The following DHRS3 variants were observed in gnomAD, a reference collection of about 807,000 sequenced individuals.
DHRS3 encodes short-chain dehydrogenase/reductase 3.
Under a neutral mutation model 27.2 loss-of-function variants are expected in DHRS3, and 14 were observed. The ratio of observed to expected loss-of-function variants is 0.52; its 90% CI spans 0.34 to 0.81. The LOEUF (loss-of-function observed/expected upper bound fraction) is 0.81, where lower values mean the gene tolerates loss of function less well. Among genes scored for constraint, DHRS3 ranks in the 30% least tolerant of loss-of-function variants. DHRS3 has a pLI of 0.01. For missense variants in DHRS3, 322 were observed against 406.2 expected (o/e 0.79, Z 1.78); for synonymous variants, 165 against 175.9 (o/e 0.94, Z 0.49).
At position 12,606,656 on chromosome 1, in the gene DHRS3, A is replaced by AT. The variant is rs1014991203; in HGVS notation, c.195+10497dup. On this transcript the variant is annotated intron_variant, in intron 1 of 5. Coordinates refer to ENST00000616661, the MANE Select transcript of DHRS3 (RefSeq NM_004753.7). ...AGGCATGTGCCACCATGCCAAGCTAATTTTTTTTTTTTGTATTTTTAGTAG... is the reference window on the plus strand; with the variant it reads ...AGGCATGTGCCACCATGCCAAGCTAATTTTTTTTTTTTTGTATTTTTAGTAG... Among the ~76,000 whole-genome samples the AT allele has an allele frequency of 8.5e-3, 1,227 of 144,266 alleles. 13 individuals are homozygous for AT. The highest frequency in any genetic ancestry group is 0.026 in the African/African-American group (1,042 of 39,508). 94.6% of individuals were successfully genotyped at this position (144,266 alleles called of 152,430 possible). A position where few individuals can be genotyped will look rare whatever the true frequency, so the allele number is the denominator to read the frequency against.
chr1:12,576,561 T>TAA (rs1185862824), intron 4 of DHRS3, among the ~76,000 whole-genome samples: 3,842 of 142,844 alleles, frequency 0.027, 70 homozygotes, highest in South Asian at 0.049. Flanking sequence ...GATTCCGTCT[T>TAA]AAAAAAAAAA....
intron 1 of DHRS3, among the ~76,000 whole-genome samples, chr1:12,607,870 T>A (rs1646881641): frequency 6.6e-6 from 1 of 152,048 alleles, no homozygotes; most frequent in South Asian, 2.1e-4. Context: ...TATGTGTGTG[T>A]GTGTGTATAT....
rs186486222 is a variant in DHRS3 at position 12,593,722 on chromosome 1, C to T, written c.196-13056G>A. On this transcript the variant is annotated intron_variant, in intron 1 of 5. Coordinates refer to ENST00000616661, the MANE Select transcript of DHRS3 (RefSeq NM_004753.7). The surrounding 1 kb of genome is among the most constrained non-coding windows in gnomAD (Gnocchi z 4.6). ...TGCTAAAACCACGCCCTGCCAAGAG[C>T]CAGTACGTGACAACTGGGCAGTCTC... is the stretch of plus-strand genomic sequence containing the variant. Among the ~76,000 whole-genome samples, 117 of 152,324 alleles carry T rather than the reference C, an allele frequency of 7.7e-4. No homozygotes were observed. Among genetic ancestry groups the T allele is most frequent in the African/African-American group, 2.7e-3 (114 of 41,570 alleles).
At chr1:12,613,698 C>A (rs1476640198) in intron 1 of DHRS3, among the ~76,000 whole-genome samples, 2 of 152,208 alleles carry the variant, frequency 1.3e-5, no homozygotes, top group Non-Finnish European at 2.9e-5. Context: ...GAACTCCAAG[C>A]CAGTTCCCAT....
rs887425694 is a variant in DHRS3 at position 12,570,264 on chromosome 1, C to T, written c.825-1840G>A. 5.3e-5 allele frequency among the ~76,000 whole-genome samples: 8 copies of T among 152,188 alleles called. No homozygotes were observed. In the South Asian group the frequency reaches 8.3e-4, roughly 16 times the overall value. On this transcript the variant is annotated intron_variant, in intron 5 of 5. Transcript: ENST00000616661. ...TCTCCTCGTACAACCGGAGTTCCGA[C>T]GCTTCCCCAGCAAGCCCTGGTGTAG...
intron 1 of DHRS3, among the ~76,000 whole-genome samples, chr1:12,582,144 T>C (rs1489434211): frequency 1.3e-5 from 2 of 152,206 alleles, no homozygotes; most frequent in African/African-American, 4.8e-5. Flanking sequence ...TATTTTGCTT[T>C]GTTACACGGT....
chr1:12,580,537 C>G lies in DHRS3; in HGVS notation c.325G>C (p.Ala109Pro). The G allele has an allele frequency of 6.2e-7, 1 of 1,614,206 alleles. No homozygotes were observed. The highest frequency in any genetic ancestry group is 8.5e-7 in the Non-Finnish European group (1 of 1,180,044). Residue 109 changes from alanine (A) to proline (P), a missense_variant, in exon 2 of 6, where the codon GCC becomes CCC. Transcript: ENST00000616661. ...AGGCTACAGACCTTCTCCCGGACGGCCTTGGCCGTCTGGTACACCTCCTCC... is the reference window on the plus strand; with the variant it reads ...AGGCTACAGACCTTCTCCCGGACGGGCTTGGCCGTCTGGTACACCTCCTCC... Reference protein sequence around the residue: ...NREEVYQTAKAVREKVGDITI... With the variant: ...NREEVYQTAKPVREKVGDITI...
At chr1:12,585,959 A>C (rs1165399953) in intron 1 of DHRS3, among the ~76,000 whole-genome samples, 1 of 152,174 alleles carries the variant, frequency 6.6e-6, no homozygotes, top group Admixed American at 6.5e-5. Flanking sequence ...ACTCTTAAGC[A>C]GGGTTTATAG....
chr1:12,602,647 G>A (rs527538880), intron 1 of DHRS3, among the ~76,000 whole-genome samples: 1 of 152,358 alleles, frequency 6.6e-6, no homozygotes, highest in Admixed American at 6.5e-5. Flanking sequence ...AGGAGTGGTT[G>A]TCTCTTGGAA....
In DHRS3 at chr1:12,572,745, G is replaced by C; in HGVS notation, c.807C>G (p.Ala269=). ...ALLLLPWTMH[A]LVILKSILPQ... is the part of the protein sequence containing the mutation. ...CCCCATACCTTTTCAAGATAACGAGGGCATGCATTGTCCATGGGAGGAGGA... is the reference window on the plus strand; with the variant it reads ...CCCCATACCTTTTCAAGATAACGAGCGCATGCATTGTCCATGGGAGGAGGA... Residue 269 remains alanine (A), a synonymous_variant, in exon 5 of 6, where the codon GCC becomes GCG. Coordinates refer to ENST00000616661, the MANE Select transcript of DHRS3 (RefSeq NM_004753.7). The C allele has an allele frequency of 6.2e-7, 1 of 1,607,444 alleles. No individual in the cohort carries two copies. The highest frequency in any genetic ancestry group is 8.5e-7 in the Non-Finnish European group (1 of 1,177,084).
chr1:12,576,686 C>A (rs962200629), intron 4 of DHRS3, among the ~76,000 whole-genome samples: 3 of 151,680 alleles, frequency 2.0e-5, no homozygotes, highest in Non-Finnish European at 2.9e-5. Context: ...GGGGAAAAAG[C>A]CAACAGGAAA....
At chr1:12,580,716 G>T (rs751790657) in intron 1 of DHRS3, 50 bp from the exon 2 acceptor site, 2 of 1,564,794 alleles carry the variant, frequency 1.3e-6, no homozygotes, top group East Asian at 4.5e-5. Flanking sequence ...AAGCCACAGT[G>T]ATGCAACAAT....
rs182227519 is a variant in DHRS3, at chr1:12,591,383, G to C, written c.196-10717C>G. ...TTCCCTGGCTCCAGGCCCCTGTTTTGGCCTGCCGAGAATGTTTTGGCTACC... is the reference window on the plus strand; with the variant it reads ...TTCCCTGGCTCCAGGCCCCTGTTTTCGCCTGCCGAGAATGTTTTGGCTACC... On this transcript the variant is annotated intron_variant, in intron 1 of 5. Coordinates refer to ENST00000616661, the MANE Select transcript of DHRS3 (RefSeq NM_004753.7). The surrounding 1 kb of genome is among the most constrained non-coding windows in gnomAD (Gnocchi z 4.1). Among the ~76,000 whole-genome samples the C allele has an allele frequency of 1.9e-4, 29 of 152,340 alleles. No homozygotes were observed. In the East Asian group the frequency reaches 5.2e-3, roughly 27 times the overall value.
At chr1:12,595,794 G>A (rs1646791647) in intron 1 of DHRS3, among the ~76,000 whole-genome samples, 1 of 150,490 alleles carries the variant, frequency 6.6e-6, no homozygotes, top group Admixed American at 6.6e-5. Flanking sequence ...GAGGGGACAG[G>A]GTAGGTGGCT....
In DHRS3 at chr1:12,608,747, A is replaced by C. The variant is rs1472382370; in HGVS notation, c.195+8407T>G. On this transcript the variant is annotated intron_variant, in intron 1 of 5. Transcript: ENST00000616661. The surrounding 1 kb of genome is among the most constrained non-coding windows in gnomAD (Gnocchi z 4.1). ...AAGGGCAGGAAGGTGTTCCTCTTGC[A>C]GGGCCCAGGTCTGCATTTTCGAGCC... Among the ~76,000 whole-genome samples, 1 of 152,192 alleles carries C rather than the reference A, an allele frequency of 6.6e-6. No individual in the cohort carries two copies. Among genetic ancestry groups the C allele is most frequent in the Non-Finnish European group, 1.5e-5 (1 of 68,028 alleles).
intron 2 of DHRS3, chr1:12,580,302 T>C: frequency 3.4e-6 from 2 of 594,822 alleles, no homozygotes; most frequent in East Asian, 3.1e-5. Flanking sequence ...ACGGTCTACA[T>C]TTCCAAGGGA....
At chr1:12,588,077 T>C (rs1646712988) in intron 1 of DHRS3, among the ~76,000 whole-genome samples, 1 of 152,190 alleles carries the variant, frequency 6.6e-6, no homozygotes, top group African/African-American at 2.4e-5. Flanking sequence ...GGACTAAATC[T>C]CTCAAATTCA....
Position 12,617,197 on chromosome 1 carries a change from C to G in DHRS3, c.152G>C (p.Gly51Ala). Residue 51 changes from glycine to alanine, a missense_variant, in exon 1 of 6, where the codon GGG (glycine) becomes GCG (alanine). Coordinates refer to ENST00000616661, the MANE Select transcript of DHRS3 (RefSeq NM_004753.7). ...CGCGAACTCGCGGGCGAGCTGACGC[C>G]CGATGCCTCTCCCGCCGCCGGTGAT... ...VLITGGGRGIGRQLAREFAER... is the reference protein window; with the variant it reads ...VLITGGGRGIARQLAREFAER... 6.2e-7 allele frequency: 1 copy of G among 1,613,140 alleles called. No individual in the cohort carries two copies. The highest frequency in any genetic ancestry group is 8.5e-7 in the Non-Finnish European group (1 of 1,179,858).
intron 1 of DHRS3, among the ~76,000 whole-genome samples, chr1:12,583,917 A>G (rs991195659): frequency 2.7e-5 from 4 of 150,158 alleles, no homozygotes; most frequent in African/African-American, 9.8e-5. Flanking sequence ...AATTCCATTC[A>G]TCTATCCATT....
Sources: allele counts gnomAD v4.1 joint callset (sites outside exome capture counted in the v4.1 genomes callset), GRCh38; gene constraint gnomAD v4.1.1; non-coding constraint Gnocchi (gnomAD v3.1); transcripts MANE v1.5; gene names NCBI Gene and HGNC (gene_info 2026-07-23, HGNC 2026-07-21).